Variants in SERPINI1 observed in about 807,000 individuals in gnomAD.
The protein encoded by SERPINI1 is neuroserpin.
SERPINI1 carries 19 observed loss-of-function variants against 41.1 expected under a neutral mutation model. The observed-to-expected ratio is 0.46, with a 90% CI of 0.32 to 0.68. The LOEUF (loss-of-function observed/expected upper bound fraction) is 0.68. Ranked by LOEUF, SERPINI1 falls within the 30% of genes least tolerant of loss-of-function variation. SERPINI1 has a pLI of 0.03. For synonymous variants in SERPINI1, 138 were observed against 156.6 expected (o/e 0.88, Z 0.89); for missense variants, 460 against 479.2 (o/e 0.96, Z 0.37).
chr3:167,736,544 T>A (rs1464049728), intron 1 of SERPINI1, among the ~76,000 whole-genome samples: 1 of 152,226 alleles, frequency 6.6e-6, no homozygotes, highest in Non-Finnish European at 1.5e-5. Context: ...AGTTTCTCAT[T>A]TGTGTCCGAT....
At chr3:167,799,815 CAT>C (rs1237776793) in intron 5 of SERPINI1, among the ~76,000 whole-genome samples, 1 of 152,102 alleles carries the variant, frequency 6.6e-6, no homozygotes, top group Non-Finnish European at 1.5e-5. Flanking sequence ...AGCTTTTTTT[CAT>C]ATGTTTGTTG....
chr3:167,810,307 C>T (rs960055980), intron 6 of SERPINI1, among the ~76,000 whole-genome samples: 14 of 151,994 alleles, frequency 9.2e-5, no homozygotes, highest in African/African-American at 3.4e-4. Context: ...AAATTATTTG[C>T]ATGCATTTTG....
chr3:167,754,605 C>G (rs929312090), intron 1 of SERPINI1, among the ~76,000 whole-genome samples: 1 of 152,136 alleles, frequency 6.6e-6, no homozygotes, highest in Non-Finnish European at 1.5e-5. Flanking sequence ...TTTTCACGTC[C>G]TTGGAACATA....
At chr3:167,748,010 C>T (rs1218094602) in intron 1 of SERPINI1, among the ~76,000 whole-genome samples, 1 of 150,036 alleles carries the variant, frequency 6.7e-6, no homozygotes, top group East Asian at 1.9e-4. Context: ...ATAAAGGAGG[C>T]GGAAATATCA....
At chr3:167,772,823 A>ACTCTCTCTCTCTCTCTCT (rs1172788769) in intron 1 of SERPINI1, among the ~76,000 whole-genome samples, 7 of 23,634 alleles carry the variant, frequency 3.0e-4, no homozygotes, top group African/African-American at 4.4e-4. Flanking sequence ...GTATCTTGAG[A>ACTCTCTCTCTCTCTCTCT]CTCTCTCTCT....
intron 1 of SERPINI1, among the ~76,000 whole-genome samples, chr3:167,762,355 G>GT (rs928103282): frequency 1.3e-5 from 2 of 152,018 alleles, no homozygotes; most frequent in African/African-American, 2.4e-5. Context: ...CAAACGTGCT[G>GT]TTTTTTCTCC....
At chr3:167,817,335 T>C (rs1485274690) in intron 6 of SERPINI1, among the ~76,000 whole-genome samples, 1 of 152,168 alleles carries the variant, frequency 6.6e-6, no homozygotes, top group Non-Finnish European at 1.5e-5. Flanking sequence ...TTTTTCATTT[T>C]TTACAGCAAA....
chr3:167,746,830 G>A (rs1307303484), intron 1 of SERPINI1, among the ~76,000 whole-genome samples: 4 of 152,200 alleles, frequency 2.6e-5, no homozygotes, highest in Admixed American at 2.0e-4. Flanking sequence ...TAAGGTTTTG[G>A]TGAGATTGTA....
chr3:167,765,239 C>G (rs955822593), intron 1 of SERPINI1, among the ~76,000 whole-genome samples: 2 of 152,244 alleles, frequency 1.3e-5, no homozygotes, highest in African/African-American at 4.8e-5. Flanking sequence ...GAGAGTCCCA[C>G]CCCTGCAGCA....
At chr3:167,785,494 G>A (rs1265010404) in intron 1 of SERPINI1, among the ~76,000 whole-genome samples, 5 of 152,128 alleles carry the variant, frequency 3.3e-5, no homozygotes, top group African/African-American at 1.2e-4. Context: ...ACCCTGTAAA[G>A]ATGGCTTGGG....
At chr3:167,783,787 A>G (rs1435689648) in intron 1 of SERPINI1, among the ~76,000 whole-genome samples, 1 of 152,220 alleles carries the variant, frequency 6.6e-6, no homozygotes, top group African/African-American at 2.4e-5. Context: ...AGAGTAGACT[A>G]GCAGAGGTAA....
At chr3:167,788,107 CTT>C (rs1209035701) in intron 1 of SERPINI1, among the ~76,000 whole-genome samples, 2 of 152,130 alleles carry the variant, frequency 1.3e-5, no homozygotes, top group Non-Finnish European at 2.9e-5. Flanking sequence ...AACAGTTTAG[CTT>C]TCCAAATGCC....
intron 1 of SERPINI1, among the ~76,000 whole-genome samples, chr3:167,785,172 A>G (rs922667099): frequency 1.3e-5 from 2 of 152,084 alleles, no homozygotes; most frequent in African/African-American, 4.8e-5. Context: ...TGAACTCGGG[A>G]GGTGGAGGTT....
chr3:167,797,739 C>T (rs1190384011), intron 5 of SERPINI1, among the ~76,000 whole-genome samples: 3 of 72,632 alleles, frequency 4.1e-5, no homozygotes, highest in South Asian at 5.6e-4. Context: ...ACCTACCAAG[C>T]GTTTTTTTTT....
At chr3:167,791,567 A>G (rs1181173650) in intron 3 of SERPINI1, among the ~76,000 whole-genome samples, 1 of 152,228 alleles carries the variant, frequency 6.6e-6, no homozygotes, top group Non-Finnish European at 1.5e-5. Flanking sequence ...GTGATAATGC[A>G]TATGAAGTAG....
chr3:167,757,472 T>C (rs1726228253), intron 1 of SERPINI1, among the ~76,000 whole-genome samples: 1 of 152,032 alleles, frequency 6.6e-6, no homozygotes, highest in Non-Finnish European at 1.5e-5. Context: ...GTATTCTCGT[T>C]TTTAAAGGAG....
chr3:167,770,306 G>A (rs1726706834), intron 1 of SERPINI1, among the ~76,000 whole-genome samples: 1 of 151,730 alleles, frequency 6.6e-6, no homozygotes, highest in Admixed American at 6.6e-5. Context: ...TTGATTTGAA[G>A]TACAAAGTAA....
chr3:167,746,574 A>G (rs1455363185), intron 1 of SERPINI1, among the ~76,000 whole-genome samples: 1 of 152,212 alleles, frequency 6.6e-6, no homozygotes, highest in Non-Finnish European at 1.5e-5. Flanking sequence ...AAACAATGCA[A>G]TTAAAAGTAG....
chr3:167,817,614 T>C (rs1258294974), intron 6 of SERPINI1, among the ~76,000 whole-genome samples: 4 of 152,058 alleles, frequency 2.6e-5, no homozygotes, highest in Non-Finnish European at 4.4e-5. Flanking sequence ...TTTTATTTTT[T>C]TGAGACAGAG....
Sources: allele counts gnomAD v4.1 joint callset (sites outside exome capture counted in the v4.1 genomes callset), GRCh38; gene constraint gnomAD v4.1.1; transcripts MANE v1.5; gene names NCBI Gene and HGNC (gene_info 2026-07-23, HGNC 2026-07-21).